The following PLCL2 variants were observed in gnomAD, a reference collection of about 807,000 sequenced individuals.
The protein encoded by PLCL2 is inactive phospholipase C-like protein 2.
In PLCL2, 4 loss-of-function variants were observed where a neutral mutation model predicts 79.6. The observed-to-expected ratio is 0.05, with a 90% CI of 0.02 to 0.11. PLCL2 has a LOEUF of 0.11. Ranked by LOEUF, PLCL2 falls within the 10% of genes least tolerant of loss-of-function variation. The pLI is 1.00. For synonymous variants in PLCL2, 484 were observed against 457.7 expected (o/e 1.06, Z -0.73); for missense variants, 895 against 1,291.0 (o/e 0.69, Z 4.70).
chr3:16,886,003 T>G lies in PLCL2; in HGVS notation c.327+637T>G, dbSNP rs555862236. On this transcript the variant is annotated intron_variant, in intron 1 of 5. Coordinates refer to ENST00000615277, the MANE Select transcript of PLCL2 (RefSeq NM_001144382.2). The surrounding 1 kb of genome is among the most constrained non-coding windows in gnomAD (Gnocchi z 4.2). ...CACACGATTTAATCTTTTTCCTTGCTGCAGTAGGCAGGCCTCGAGTACTGT... is the reference window on the plus strand; with the variant it reads ...CACACGATTTAATCTTTTTCCTTGCGGCAGTAGGCAGGCCTCGAGTACTGT... Among the ~76,000 whole-genome samples the G allele has an allele frequency of 2.6e-5, 4 of 152,368 alleles. No homozygotes were observed. Among genetic ancestry groups the G allele is most frequent in the African/African-American group, 9.6e-5 (4 of 41,590 alleles).
At chr3:16,956,613 C>A (rs2124964694) in intron 1 of PLCL2, among the ~76,000 whole-genome samples, 1 of 152,202 alleles carries the variant, frequency 6.6e-6, no homozygotes, top group Non-Finnish European at 1.5e-5. Context: ...GGTACCAGCT[C>A]CTCCTTGTAC....
chr3:16,997,395 G>A (rs928721884), intron 1 of PLCL2, among the ~76,000 whole-genome samples: 7 of 151,892 alleles, frequency 4.6e-5, no homozygotes, highest in African/African-American at 1.4e-4. Context: ...GCTGAACTAG[G>A]GTGGCTCATG....
At chr3:17,051,625 C>G (rs2064839853) in intron 4 of PLCL2, among the ~76,000 whole-genome samples, 1 of 152,056 alleles carries the variant, frequency 6.6e-6, no homozygotes, top group Non-Finnish European at 1.5e-5. Flanking sequence ...TAGGCTAACT[C>G]TACTGTTTTG....
intron 1 of PLCL2, among the ~76,000 whole-genome samples, chr3:16,968,016 G>C (rs920319352): frequency 1.3e-5 from 2 of 152,064 alleles, no homozygotes; most frequent in Non-Finnish European, 2.9e-5. Context: ...TTATTGAATA[G>C]GGAGTCCTTT....
At chr3:17,030,408 G>T (rs1350159050) in intron 3 of PLCL2, among the ~76,000 whole-genome samples, 1 of 152,176 alleles carries the variant, frequency 6.6e-6, no homozygotes, top group African/African-American at 2.4e-5. Flanking sequence ...AGACCTTTGT[G>T]TGAGTTTATT....
chr3:17,017,614 T>C (rs548334458), intron 3 of PLCL2, among the ~76,000 whole-genome samples: 3 of 152,298 alleles, frequency 2.0e-5, no homozygotes, highest in African/African-American at 7.2e-5. Flanking sequence ...AGAAATAAGA[T>C]CTTATTTCAT....
At chr3:17,075,000 A>G (rs1051915645) in intron 5 of PLCL2, among the ~76,000 whole-genome samples, 21 of 152,186 alleles carry the variant, frequency 1.4e-4, no homozygotes, top group African/African-American at 5.1e-4. Flanking sequence ...TAGCACTTTA[A>G]ATTTCCTTCA....
chr3:17,089,992 C>T lies in PLCL2; in HGVS notation c.*80C>T. On this transcript the variant is annotated 3_prime_UTR_variant, in exon 6 of 6. Transcript: ENST00000615277. ...AGATGGGACATTTGCTTTGCACTCA[C>T]TAATGAGAATAATATTCGGGATTTT... 1.4e-6 allele frequency: 2 copies of T among 1,470,728 alleles called. No individual in the cohort carries two copies. Among genetic ancestry groups the T allele is most frequent in the East Asian group, 2.4e-5 (1 of 42,366 alleles). 91.1% of individuals were successfully genotyped at this position (1,470,728 alleles called of 1,614,324 possible).
At chr3:16,888,541 A>G (rs1437184951) in intron 1 of PLCL2, among the ~76,000 whole-genome samples, 4 of 152,242 alleles carry the variant, frequency 2.6e-5, no homozygotes, top group African/African-American at 4.8e-5. Context: ...ATTTTAGAGA[A>G]GAAGCCGTTA....
At chr3:16,910,640 C>A (rs1346846611) in intron 1 of PLCL2, among the ~76,000 whole-genome samples, 1 of 151,984 alleles carries the variant, frequency 6.6e-6, no homozygotes, top group African/African-American at 2.4e-5. Flanking sequence ...TATATGCCAA[C>A]CACTCCCAAA....
Position 17,073,385 on chromosome 3 carries a change from TA to T in PLCL2, c.3204+5326del, listed in dbSNP as rs550218550. ...GCTTAATTTAAAAATGCTTTATTGC[TA>T]AAAAATGCTAATAATCATCTAAGCC... On this transcript the variant is annotated intron_variant, in intron 5 of 5. Coordinates refer to ENST00000615277, the MANE Select transcript of PLCL2 (RefSeq NM_001144382.2). Among the ~76,000 whole-genome samples, 349 of 152,314 alleles carry T rather than the reference TA, an allele frequency of 2.3e-3. 2 individuals are homozygous for T. Among genetic ancestry groups the T allele is most frequent in the African/African-American group, 8.0e-3 (333 of 41,568 alleles).
At chr3:17,067,594 C>T (rs9865068) in intron 4 of PLCL2, among the ~76,000 whole-genome samples, 2,738 of 152,232 alleles carry the variant, frequency 0.018, 85 homozygotes, top group African/African-American at 0.062. Context: ...TTAAATCTGC[C>T]TTCTGAGAGT....
chr3:16,903,284 A>AT (rs11311094), intron 1 of PLCL2, among the ~76,000 whole-genome samples: 1 of 152,102 alleles, frequency 6.6e-6, no homozygotes, highest in Non-Finnish European at 1.5e-5. Flanking sequence ...GAAAAAAATT[A>AT]TTTTTTATGC....
intron 1 of PLCL2, among the ~76,000 whole-genome samples, chr3:16,969,907 T>G (rs1181827424): frequency 6.6e-6 from 1 of 151,816 alleles, no homozygotes; most frequent in Non-Finnish European, 1.5e-5. Flanking sequence ...ATGTTCTATC[T>G]TTGTTCTCAT....
At chr3:16,924,919 AC>A (rs1697208899) in intron 1 of PLCL2, among the ~76,000 whole-genome samples, 1 of 152,032 alleles carries the variant, frequency 6.6e-6, no homozygotes, top group African/African-American at 2.4e-5. Flanking sequence ...TCTACAGAAT[AC>A]AAGTTTGTTT....
intron 1 of PLCL2, among the ~76,000 whole-genome samples, chr3:16,978,452 G>A (rs1363601365): frequency 6.6e-6 from 1 of 152,188 alleles, no homozygotes; most frequent in Non-Finnish European, 1.5e-5. Flanking sequence ...TCAGTTAGCT[G>A]CCACTTAGGA....
intron 1 of PLCL2, among the ~76,000 whole-genome samples, chr3:17,001,189 G>C (rs60973313): frequency 0.033 from 5,082 of 151,812 alleles, 278 homozygotes; most frequent in African/African-American, 0.12. Context: ...TCATATACTT[G>C]TTGGCCATTT....
intron 1 of PLCL2, among the ~76,000 whole-genome samples, chr3:16,980,419 C>T (rs1269293480): frequency 5.4e-5 from 8 of 147,746 alleles, no homozygotes; most frequent in East Asian, 2.2e-4. Flanking sequence ...ACTTCTCAGA[C>T]GGGGCGGTTG....
rs386355771 is a variant in PLCL2 at position 16,970,056 on chromosome 3, A to AT, written c.328-39617dup. Among the ~76,000 whole-genome samples the AT allele has an allele frequency of 9.5e-4, 137 of 144,720 alleles. 1 individual carries two copies. The highest frequency in any genetic ancestry group is 3.3e-3 in the African/African-American group (131 of 39,114). The allele number at this position is 144,720 out of a possible 152,430, so 94.9% of individuals were successfully genotyped here. Reference sequence around the variant, plus strand: ...CTTTGATTTATATATATATATATATATATTTTATTTTATTATTATTACACT... The same window carrying AT: ...CTTTGATTTATATATATATATATATATTATTTTATTTTATTATTATTACACT... On this transcript the variant is annotated intron_variant, in intron 1 of 5. Transcript: ENST00000615277.
Sources: allele counts gnomAD v4.1 joint callset (sites outside exome capture counted in the v4.1 genomes callset), GRCh38; gene constraint gnomAD v4.1.1; non-coding constraint Gnocchi (gnomAD v3.1); transcripts MANE v1.5; gene names NCBI Gene and HGNC (gene_info 2026-07-23, HGNC 2026-07-21).